ZFAND3: variants seen among roughly 807,000 people sequenced by gnomAD.
ZFAND3 encodes AN1-type zinc finger protein 3.
Under a neutral mutation model 29.6 loss-of-function variants are expected in ZFAND3, and 10 were observed. That is an observed-to-expected ratio of 0.34 (90% CI 0.21 to 0.57). The LOEUF (loss-of-function observed/expected upper bound fraction) is 0.57. ZFAND3 is among the 20% of genes least tolerant of loss of function. ZFAND3 has a pLI of 0.86. For missense variants in ZFAND3, 230 were observed against 304.5 expected (o/e 0.76, Z 1.82); for synonymous variants, 128 against 112.6 (o/e 1.14, Z -0.87).
At chr6:37,981,894 C>G (rs1762586709) in intron 2 of ZFAND3, among the ~76,000 whole-genome samples, 1 of 152,128 alleles carries the variant, frequency 6.6e-6, no homozygotes, top group East Asian at 1.9e-4. Flanking sequence ...AGACATGATA[C>G]ATCAGTCAGT....
chr6:37,833,077 A>G (rs538234342), intron 1 of ZFAND3: 2 of 152,176 alleles, frequency 1.3e-5, no homozygotes, highest in South Asian at 4.2e-4. Context: ...AGGTCACCAT[A>G]TTGATGCTGA....
At chr6:37,935,021 A>C (rs77728194) in intron 2 of ZFAND3, among the ~76,000 whole-genome samples, 2 of 152,084 alleles carry the variant, frequency 1.3e-5, no homozygotes, top group African/African-American at 2.4e-5. Context: ...GTGGATCTAT[A>C]TCTCTCAAGT....
chr6:37,944,357 G>A (rs1366534847), intron 2 of ZFAND3, among the ~76,000 whole-genome samples: 2 of 152,214 alleles, frequency 1.3e-5, no homozygotes, highest in South Asian at 4.1e-4. Context: ...ATGATAAAGT[G>A]TTTCATGTTC....
At chr6:38,124,381 G>A (rs6921475) in intron 5 of ZFAND3, among the ~76,000 whole-genome samples, 11,384 of 152,288 alleles carry the variant, frequency 0.075, 517 homozygotes, top group African/African-American at 0.13. Context: ...AGCAGGGGGC[G>A]GCGCTCCTAG....
At chr6:38,001,725 A>G (rs1264123190) in intron 2 of ZFAND3, among the ~76,000 whole-genome samples, 1 of 152,144 alleles carries the variant, frequency 6.6e-6, no homozygotes, top group Non-Finnish European at 1.5e-5. Flanking sequence ...TCAGCTTGGA[A>G]AACCTCTTTC....
intron 1 of ZFAND3, among the ~76,000 whole-genome samples, chr6:37,894,067 C>A (rs1345811255): frequency 6.6e-6 from 1 of 151,992 alleles, no homozygotes; most frequent in Non-Finnish European, 1.5e-5. Context: ...GCAGCCTGGG[C>A]AACATGGTGA....
intron 4 of ZFAND3, among the ~76,000 whole-genome samples, chr6:38,089,380 G>A (rs887360745): frequency 6.6e-6 from 1 of 151,830 alleles, no homozygotes; most frequent in Non-Finnish European, 1.5e-5. Context: ...CACCTGCCTC[G>A]GCCTCCCAAA....
chr6:38,152,121 G>C, intron 5 of ZFAND3, 114 bp from the exon 6 acceptor site: 1 of 1,024,232 alleles, frequency 9.8e-7, no homozygotes, highest in South Asian at 1.9e-5. Flanking sequence ...TGCAGTGAGT[G>C]TTGTCCACTC....
At chr6:38,080,113 A>G (rs1248697171) in intron 3 of ZFAND3, among the ~76,000 whole-genome samples, 2 of 151,486 alleles carry the variant, frequency 1.3e-5, no homozygotes, top group African/African-American at 4.8e-5. Context: ...CAATGAAAAC[A>G]CATGGACACA....
At chr6:37,970,164 T>C (rs1250337835) in intron 2 of ZFAND3, among the ~76,000 whole-genome samples, 1 of 152,020 alleles carries the variant, frequency 6.6e-6, no homozygotes, top group African/African-American at 2.4e-5. Context: ...AAAAATAATT[T>C]AGTATCATTA....
chr6:38,009,054 C>T (rs2127442826), intron 2 of ZFAND3, among the ~76,000 whole-genome samples: 1 of 152,288 alleles, frequency 6.6e-6, no homozygotes, highest in Admixed American at 6.5e-5. Context: ...CCTGTGTTAT[C>T]AGTAATAAGC....
Position 38,116,951 on chromosome 6 carries a change from CA to C in ZFAND3, c.529+217del, listed in dbSNP as rs1765430315. On this transcript the variant is annotated intron_variant, in intron 5 of 5. Transcript: ENST00000287218. ...TTTATTCTCACACATGCAAAAAAGA[CA>C]AAAACATCCCCATGTTCTTAATGCA... is the stretch of plus-strand genomic sequence containing the variant. 1.3e-5 allele frequency among the ~76,000 whole-genome samples: 2 copies of C among 152,234 alleles called. 1 individual carries two copies. Among genetic ancestry groups the C allele is most frequent in the East Asian group, 3.9e-4 (2 of 5,184 alleles).
At chr6:38,053,304 A>ATTTT (rs60101357) in intron 2 of ZFAND3, among the ~76,000 whole-genome samples, 1 of 145,210 alleles carries the variant, frequency 6.9e-6, no homozygotes, top group Non-Finnish European at 1.5e-5. Flanking sequence ...TTTTCTTACA[A>ATTTT]TTTTTTTTTT....
intron 5 of ZFAND3, among the ~76,000 whole-genome samples, chr6:38,123,614 T>C (rs6938580): frequency 0.7 from 106,004 of 152,042 alleles, 37,509 homozygotes; most frequent in African/African-American, 0.77. Context: ...CATGCTCTAC[T>C]ATGAGTTATA....
chr6:38,154,494 G>C lies in ZFAND3; in HGVS notation c.*2105G>C. The C allele has an allele frequency of 1.0e-6, 1 of 983,158 alleles. No individual in the cohort carries two copies. Among genetic ancestry groups the C allele is most frequent in the Non-Finnish European group, 1.2e-6 (1 of 827,568 alleles). 60.9% of individuals were successfully genotyped at this position (983,158 alleles called of 1,614,324 possible). On this transcript the variant is annotated 3_prime_UTR_variant, in exon 6 of 6. Transcript: ENST00000287218. ...AGAAAATCTTATTTAACCCTTTTGT[G>C]TTCTAGATTTACTTACACACATAGC...
In ZFAND3 at chr6:38,152,616, A is replaced by T. The variant is rs1296517267; in HGVS notation, c.*227A>T. ...CTGCTAGCCATTGTATAAAATTAAA[A>T]CATGAAGAATATTTTTTTTTTGAGC... is the stretch of plus-strand genomic sequence containing the variant. On this transcript the variant is annotated 3_prime_UTR_variant, in exon 6 of 6. Coordinates refer to ENST00000287218, the MANE Select transcript of ZFAND3 (RefSeq NM_021943.3). 9 of 1,231,508 alleles carry T rather than the reference A, an allele frequency of 7.3e-6. No individual in the cohort carries two copies. The highest frequency in any genetic ancestry group is 9.1e-6 in the Non-Finnish European group (9 of 987,122). 76.3% of individuals were successfully genotyped at this position (1,231,508 alleles called of 1,614,324 possible).
chr6:38,058,165 C>T (rs949350588), intron 2 of ZFAND3, among the ~76,000 whole-genome samples: 3 of 152,170 alleles, frequency 2.0e-5, no homozygotes, highest in Non-Finnish European at 2.9e-5. Context: ...TACCAACATC[C>T]TTCACCTTCA....
chr6:37,880,320 CT>C (rs1407090172), intron 1 of ZFAND3, among the ~76,000 whole-genome samples: 1 of 152,194 alleles, frequency 6.6e-6, no homozygotes, highest in African/African-American at 2.4e-5. Flanking sequence ...TGCAGCAATT[CT>C]TTTTGATCTA....
chr6:37,900,982 G>A (rs73419465), intron 1 of ZFAND3, among the ~76,000 whole-genome samples: 10,190 of 152,114 alleles, frequency 0.067, 406 homozygotes, highest in Non-Finnish European at 0.085. Flanking sequence ...GACAGGAGTG[G>A]GAATGAGACA....
Sources: gnomAD v4.1 joint callset for allele counts (sites outside exome capture counted in the v4.1 genomes callset) on GRCh38, gnomAD v4.1.1 for gene constraint, MANE v1.5 for transcripts, NCBI Gene and HGNC (gene_info 2026-07-23, HGNC 2026-07-21) for gene names.